The following OTUD7A variants were observed in gnomAD, a reference collection of about 807,000 sequenced individuals.
OTUD7A encodes the protein OTU deubiquitinase 7A.
OTUD7A carries 12 observed loss-of-function variants against 65.7 expected under a neutral mutation model. The observed-to-expected ratio is 0.18, with a 90% confidence interval of 0.12 to 0.30. OTUD7A has a LOEUF of 0.30. OTUD7A is among the 10% of genes least tolerant of loss of function. OTUD7A has a pLI of 1.00. For missense variants in OTUD7A, 1,148 were observed against 1,304.8 expected (o/e 0.88, Z 1.85); for synonymous variants, 641 against 586.3 (o/e 1.09, Z -1.35).
intron 3 of OTUD7A, among the ~76,000 whole-genome samples, chr15:31,585,473 C>T (rs757704343): frequency 1.3e-5 from 2 of 152,338 alleles, no homozygotes; most frequent in Non-Finnish European, 2.9e-5. Flanking sequence ...CATGCTGCAC[C>T]CAGGAGAATA....
rs1035071988 is a variant in OTUD7A, at chr15:31,614,877, G to A, written c.151+40219C>T. ...TATACAAGGCAGAAGGGGCTAAATG[G>A]TGTTCAGAAGTACTAAGTTCCTTGA... On this transcript the variant is annotated intron_variant, in intron 3 of 12. Coordinates refer to ENST00000307050, the MANE Select transcript of OTUD7A (RefSeq NM_001382637.1). Among the ~76,000 whole-genome samples, 9 of 152,262 alleles carry A rather than the reference G, an allele frequency of 5.9e-5. 1 individual carries two copies. The highest frequency in any genetic ancestry group is 8.8e-5 in the Non-Finnish European group (6 of 68,004).
chr15:31,527,082 G>T, intron 7 of OTUD7A, 99 bp downstream of exon 7: 1 of 1,530,036 alleles, frequency 6.5e-7, no homozygotes, highest in Non-Finnish European at 8.8e-7. Context: ...CCCCTCATAA[G>T]ACTGTCTGGG....
chr15:31,801,506 A>G lies in OTUD7A; in HGVS notation c.-100+69001T>C, dbSNP rs77178540. ...CACTATCTAGGCCAGCAGCGGGCAC[A>G]TCACCTCAGATACAGAGGCATTTTC... On this transcript the variant is annotated intron_variant, in intron 1 of 12. Coordinates refer to ENST00000307050, the MANE Select transcript of OTUD7A (RefSeq NM_001382637.1). 6.5e-3 allele frequency among the ~76,000 whole-genome samples: 997 copies of G among 152,390 alleles called. 8 individuals are homozygous for G. Among genetic ancestry groups the G allele is most frequent in the African/African-American group, 0.021 (862 of 41,596 alleles).
intron 1 of OTUD7A, among the ~76,000 whole-genome samples, chr15:31,750,629 A>T (rs1182027359): frequency 1.3e-5 from 2 of 152,154 alleles, no homozygotes; most frequent in African/African-American, 4.8e-5. Flanking sequence ...ACAGTAACCA[A>T]AACAGTATGG....
At chr15:31,769,008 A>G (rs1895161971) in intron 1 of OTUD7A, among the ~76,000 whole-genome samples, 1 of 152,236 alleles carries the variant, frequency 6.6e-6, no homozygotes, top group South Asian at 2.1e-4. Context: ...CCATCTAAGT[A>G]CAAACAAATC....
At chr15:31,778,893 T>A (rs1393183045) in intron 1 of OTUD7A, among the ~76,000 whole-genome samples, 1 of 152,186 alleles carries the variant, frequency 6.6e-6, no homozygotes, top group Admixed American at 6.5e-5. Context: ...ATTAGTGGAA[T>A]GCAGATCAAT....
chr15:31,732,283 C>G (rs566029030), intron 1 of OTUD7A, among the ~76,000 whole-genome samples: 1 of 152,180 alleles, frequency 6.6e-6, no homozygotes, highest in African/African-American at 2.4e-5. Flanking sequence ...GGTACACATG[C>G]GCAGAGCTGG....
intron 10 of OTUD7A, among the ~76,000 whole-genome samples, chr15:31,491,097 G>A (rs947353047): frequency 6.0e-5 from 9 of 150,262 alleles, no homozygotes; most frequent in East Asian, 1.9e-4. Context: ...TTTCAGCAAC[G>A]ACAACAAAAA....
chr15:31,555,532 C>T (rs1348655906), intron 5 of OTUD7A, among the ~76,000 whole-genome samples: 1 of 152,136 alleles, frequency 6.6e-6, no homozygotes, highest in South Asian at 2.1e-4. Context: ...ACAGTGGGGG[C>T]CACGGGAGCA....
chr15:31,657,603 C>T (rs1340101502), intron 1 of OTUD7A, among the ~76,000 whole-genome samples: 1 of 150,932 alleles, frequency 6.6e-6, no homozygotes, highest in South Asian at 2.2e-4. Context: ...CCTTGTGATC[C>T]GCTCACCTCA....
chr15:31,619,518 A>G (rs1431174671), intron 3 of OTUD7A, among the ~76,000 whole-genome samples: 1 of 151,380 alleles, frequency 6.6e-6, no homozygotes, highest in African/African-American at 2.4e-5. Context: ...TAGGTATTTT[A>G]TTCTCTTTGA....
At chr15:31,653,796 C>T (rs1891911201) in intron 3 of OTUD7A, among the ~76,000 whole-genome samples, 1 of 152,142 alleles carries the variant, frequency 6.6e-6, no homozygotes. Flanking sequence ...AAAGAGATGA[C>T]AACTCTTGCT....
At chr15:31,490,017 C>T (rs561620362) in intron 10 of OTUD7A, among the ~76,000 whole-genome samples, 1 of 152,360 alleles carries the variant, frequency 6.6e-6, no homozygotes, top group East Asian at 1.9e-4. Context: ...CAAAGGAAGG[C>T]TTTTCTGCAG....
intron 1 of OTUD7A, among the ~76,000 whole-genome samples, chr15:31,665,788 G>A (rs897314520): frequency 1.3e-5 from 2 of 152,122 alleles, no homozygotes; most frequent in Non-Finnish European, 2.9e-5. Context: ...TGTTGGCTAT[G>A]GGTTTGTCAC....
intron 1 of OTUD7A, among the ~76,000 whole-genome samples, chr15:31,678,437 A>G (rs1892640373): frequency 6.6e-6 from 1 of 152,236 alleles, no homozygotes; most frequent in Non-Finnish European, 1.5e-5. Flanking sequence ...AGGTCTTCAC[A>G]GCAGCCCCTC....
chr15:31,634,063 C>A (rs1035240235), intron 3 of OTUD7A, among the ~76,000 whole-genome samples: 2 of 152,160 alleles, frequency 1.3e-5, no homozygotes, highest in Non-Finnish European at 2.9e-5. Context: ...CAGACACAGA[C>A]AAGAGACTCA....
chr15:31,749,524 T>C (rs542682618), intron 1 of OTUD7A, among the ~76,000 whole-genome samples: 1 of 152,284 alleles, frequency 6.6e-6, no homozygotes, highest in South Asian at 2.1e-4. Context: ...GGCAGTGTTA[T>C]AATAGTTCCA....
intron 3 of OTUD7A, among the ~76,000 whole-genome samples, chr15:31,585,358 C>T (rs760411828): frequency 2.0e-5 from 3 of 152,192 alleles, no homozygotes; most frequent in Non-Finnish European, 4.4e-5. Context: ...GAGAAGTCTT[C>T]GAATACTGAG....
chr15:31,670,845 A>T (rs565250170), intron 1 of OTUD7A, among the ~76,000 whole-genome samples: 5 of 152,128 alleles, frequency 3.3e-5, no homozygotes, highest in African/African-American at 1.2e-4. Flanking sequence ...CAAAAAAAAA[A>T]TTAGCCGGGC....
Sources: gnomAD v4.1 joint callset for allele counts (sites outside exome capture counted in the v4.1 genomes callset) on GRCh38, gnomAD v4.1.1 for gene constraint, MANE v1.5 for transcripts, NCBI Gene and HGNC (gene_info 2026-07-23, HGNC 2026-07-21) for gene names.